Variants in LDB2 observed in about 807,000 individuals in gnomAD.
The protein encoded by LDB2 is LIM domain-binding protein 2.
LDB2 carries 12 observed loss-of-function variants against 44.3 expected under a neutral mutation model. That is an observed-to-expected ratio of 0.27 (90% CI 0.17 to 0.44). The LOEUF (loss-of-function observed/expected upper bound fraction) is 0.44. Among genes scored for constraint, LDB2 ranks in the 20% least tolerant of loss-of-function variants. The probability of loss-of-function intolerance (pLI) is 1.00; values close to 1 mark genes in which losing one functional copy is unlikely to be tolerated. For missense variants in LDB2, 344 were observed against 473.5 expected (o/e 0.73, Z 2.54); for synonymous variants, 164 against 174.8 (o/e 0.94, Z 0.49).
At chr4:16,700,471 C>T (rs961970512) in intron 2 of LDB2, among the ~76,000 whole-genome samples, 2 of 152,332 alleles carry the variant, frequency 1.3e-5, no homozygotes, top group East Asian at 1.9e-4. Context: ...TTCACTTACA[C>T]GTAAACACAT....
chr4:16,749,463 C>T (rs1441421423), intron 2 of LDB2, among the ~76,000 whole-genome samples: 9 of 149,072 alleles, frequency 6.0e-5, no homozygotes, highest in Non-Finnish European at 1.2e-4. Flanking sequence ...GAGGCTGAGG[C>T]AGGAGAATTG....
In LDB2 at chr4:16,628,418, G is replaced by A. The variant is rs1578310971; in HGVS notation, c.236-32543C>T. ...CTATTCAGCTCCTACAGAGGGCCCT[G>A]GACTGAAGGTACTGATTTTCCAAAT... On this transcript the variant is annotated intron_variant, in intron 2 of 7. Transcript: ENST00000304523. Among the ~76,000 whole-genome samples, 4 of 152,084 alleles carry A rather than the reference G, an allele frequency of 2.6e-5. No homozygotes were observed. In the South Asian group the frequency reaches 8.3e-4, roughly 32 times the overall value.
At chr4:16,804,624 C>T (rs1778445669) in intron 1 of LDB2, among the ~76,000 whole-genome samples, 1 of 152,120 alleles carries the variant, frequency 6.6e-6, no homozygotes, top group African/African-American at 2.4e-5. Context: ...CACAGCTTAC[C>T]AAATATAGCA....
At chr4:16,666,162 A>G (rs1743134612) in intron 2 of LDB2, among the ~76,000 whole-genome samples, 1 of 152,142 alleles carries the variant, frequency 6.6e-6, no homozygotes, top group Admixed American at 6.5e-5. Context: ...CCCCATAGAA[A>G]CCTAAAGAGA....
intron 1 of LDB2, among the ~76,000 whole-genome samples, chr4:16,867,940 G>A (rs910544732): frequency 6.6e-6 from 1 of 152,148 alleles, no homozygotes; most frequent in Non-Finnish European, 1.5e-5. Context: ...AGCATCTGTT[G>A]GAGCTGTCAC....
Position 16,727,677 on chromosome 4 carries a change from T to C in LDB2, c.235+31481A>G, listed in dbSNP as rs1172587601. ...TTTTGCCTTATCAATAGCCAGTGTT[T>C]ATTTTCTTATATCTCCCGAAAGCTA... On this transcript the variant is annotated intron_variant, in intron 2 of 7. Coordinates refer to ENST00000304523, the MANE Select transcript of LDB2 (RefSeq NM_001290.5). Among the ~76,000 whole-genome samples the C allele has an allele frequency of 3.3e-5, 5 of 152,204 alleles. No individual in the cohort carries two copies. The South Asian group carries it at 1.0e-3, about 31-fold the overall frequency.
chr4:16,650,776 A>G lies in LDB2; in HGVS notation c.236-54901T>C, dbSNP rs372821641. Among the ~76,000 whole-genome samples the G allele has an allele frequency of 2.8e-4, 43 of 152,336 alleles. 2 individuals carry two copies. In the South Asian group the frequency reaches 6.8e-3, roughly 24 times the overall value. ...TGCTGCCATTTCAGTTCATATGTCA[A>G]CTGTCACAAAGTAGCCCCATTCCCT... On this transcript the variant is annotated intron_variant, in intron 2 of 7. Transcript: ENST00000304523.
Position 16,802,050 on chromosome 4 carries a change from T to C in LDB2, c.133-42790A>G, listed in dbSNP as rs572619831. ...GTTTCCATTTGTCAAAGTTATTCAC[T>C]TGATAGCCTTGCACAGGTGAATTAG... On this transcript the variant is annotated intron_variant, in intron 1 of 7. Transcript: ENST00000304523. Among the ~76,000 whole-genome samples the C allele has an allele frequency of 5.3e-5, 8 of 152,312 alleles. No individual in the cohort carries two copies. In the East Asian group the frequency reaches 1.2e-3, roughly 22 times the overall value.
intron 1 of LDB2, among the ~76,000 whole-genome samples, chr4:16,824,372 C>G (rs1561356730): frequency 6.6e-6 from 1 of 152,142 alleles, no homozygotes; most frequent in South Asian, 2.1e-4. Context: ...AGTTGCTTGA[C>G]GAGCTGTTGG....
chr4:16,563,429 A>ATTTTTTTTTTTTT lies in LDB2; in HGVS notation c.615+22480_615+22492dup, dbSNP rs1169491759. Among the ~76,000 whole-genome samples, 11 of 46,574 alleles carry ATTTTTTTTTTTTT rather than the reference A, an allele frequency of 2.4e-4. 3 individuals carry two copies. The highest frequency in any genetic ancestry group is 8.7e-4 in the African/African-American group (10 of 11,520). The allele number at this position is 46,574 out of a possible 152,430, so 30.6% of individuals were successfully genotyped here. On this transcript the variant is annotated intron_variant, in intron 5 of 7. Coordinates refer to ENST00000304523, the MANE Select transcript of LDB2 (RefSeq NM_001290.5). ...TCAAAACCATCTCATCAGTCATCAG[A>ATTTTTTTTTTTTT]TTTTTTTTTTTTTTTTTTTTTTTTT...
intron 5 of LDB2, among the ~76,000 whole-genome samples, chr4:16,539,570 G>A (rs1450946929): frequency 6.6e-6 from 1 of 152,016 alleles, no homozygotes; most frequent in Non-Finnish European, 1.5e-5. Flanking sequence ...CATACACCAG[G>A]GCAAATTGCT....
At chr4:16,773,973 T>G (rs1771281679) in intron 1 of LDB2, among the ~76,000 whole-genome samples, 1 of 131,730 alleles carries the variant, frequency 7.6e-6, no homozygotes, top group African/African-American at 2.8e-5. Context: ...GCCAACACGG[T>G]GAAACCCCAT....
intron 2 of LDB2, among the ~76,000 whole-genome samples, chr4:16,719,918 C>A (rs1482525951): frequency 6.6e-6 from 1 of 152,076 alleles, no homozygotes; most frequent in Admixed American, 6.6e-5. Context: ...TCTAATGACA[C>A]TAAACAACTT....
intron 5 of LDB2, among the ~76,000 whole-genome samples, chr4:16,580,697 T>C (rs549792367): frequency 2.0e-5 from 3 of 152,334 alleles, no homozygotes; most frequent in South Asian, 2.1e-4. Flanking sequence ...TCCTACTGTT[T>C]CTTGCATTCT....
chr4:16,677,860 T>G (rs1434001636), intron 2 of LDB2, among the ~76,000 whole-genome samples: 1 of 152,232 alleles, frequency 6.6e-6, no homozygotes, highest in African/African-American at 2.4e-5. Context: ...GTTAGTCTAT[T>G]AAGAAACACT....
intron 1 of LDB2, among the ~76,000 whole-genome samples, chr4:16,829,889 G>A (rs1171460996): frequency 4.6e-5 from 7 of 152,058 alleles, no homozygotes; most frequent in Admixed American, 1.3e-4. Flanking sequence ...AGCAGATCAC[G>A]AGGTCAAGAG....
intron 2 of LDB2, among the ~76,000 whole-genome samples, chr4:16,631,581 G>C (rs2152495468): frequency 6.6e-6 from 1 of 152,150 alleles, no homozygotes; most frequent in South Asian, 2.1e-4. Context: ...AAATAACTAA[G>C]ATCAGAGTAG....
intron 1 of LDB2, among the ~76,000 whole-genome samples, chr4:16,837,847 G>A (rs1443277894): frequency 6.6e-6 from 1 of 152,206 alleles, no homozygotes; most frequent in Non-Finnish European, 1.5e-5. Context: ...TGATATGTTA[G>A]GCAGGAAAGT....
intron 5 of LDB2, among the ~76,000 whole-genome samples, chr4:16,550,136 T>C (rs1298784088): frequency 6.6e-6 from 1 of 152,232 alleles, no homozygotes; most frequent in African/African-American, 2.4e-5. Context: ...TCATTCTCCT[T>C]ATCTGTAAGA....
Sources: allele counts gnomAD v4.1 joint callset (sites outside exome capture counted in the v4.1 genomes callset), GRCh38; gene constraint gnomAD v4.1.1; transcripts MANE v1.5; gene names NCBI Gene and HGNC (gene_info 2026-07-23, HGNC 2026-07-21).